The following KSR2 variants were observed in gnomAD, a reference collection of about 807,000 sequenced individuals.
The protein encoded by KSR2 is kinase suppressor of ras 2.
In KSR2, 25 loss-of-function variants were observed where a neutral mutation model predicts 107.8. That is an observed-to-expected ratio of 0.23 (90% CI 0.17 to 0.32). KSR2 has a LOEUF of 0.32. Among genes scored for constraint, KSR2 ranks in the 10% least tolerant of loss-of-function variants. The pLI, the probability that KSR2 is intolerant of heterozygous loss-of-function variation, is 1.00. For missense variants in KSR2, 887 were observed against 1,268.9 expected, an observed-to-expected ratio of 0.70 and a Z score of 4.57; for synonymous variants, 480 against 507.0, an observed-to-expected ratio of 0.95 and a Z score of 0.71.
At chr12:117,841,235 G>T (rs1892462582) in intron 3 of KSR2, among the ~76,000 whole-genome samples, 2 of 152,134 alleles carry the variant, frequency 1.3e-5, no homozygotes, top group African/African-American at 2.4e-5. Flanking sequence ...GAATAATTTT[G>T]CTCCAAATAA....
rs10850831 is a variant in KSR2 at position 117,462,355 on chromosome 12, G to C, written c.*4844C>G. ...TAATTAGTTAAGATGAGGTCATACT[G>C]AAATAGGGTGGGCCCTTAATCCAAT... On this transcript the variant is annotated 3_prime_UTR_variant, in exon 20 of 20. Coordinates refer to ENST00000339824, the MANE Select transcript of KSR2 (RefSeq NM_173598.6). 21 of 151,324 alleles carry C rather than the reference G, an allele frequency of 1.4e-4. No individual in the cohort carries two copies. The highest frequency in any genetic ancestry group is 5.1e-4 in the African/African-American group (21 of 41,274). 9.4% of individuals were successfully genotyped at this position (151,324 alleles called of 1,614,324 possible). A position where few individuals can be genotyped will look rare whatever the true frequency, so the allele number is the denominator to read the frequency against.
intron 1 of KSR2, among the ~76,000 whole-genome samples, chr12:117,966,215 AAAAAG>A (rs1258639094): frequency 6.6e-6 from 1 of 152,220 alleles, no homozygotes. Flanking sequence ...TGAAACAAAA[AAAAAG>A]AAAACTTCGA....
At chr12:117,954,219 G>A (rs1896443311) in intron 1 of KSR2, among the ~76,000 whole-genome samples, 1 of 152,140 alleles carries the variant, frequency 6.6e-6, no homozygotes, top group African/African-American at 2.4e-5. Context: ...GGCAAAGATG[G>A]GGCTGGACAA....
chr12:117,581,774 G>A (rs1249569096), intron 6 of KSR2, among the ~76,000 whole-genome samples: 1 of 152,188 alleles, frequency 6.6e-6, no homozygotes, highest in Non-Finnish European at 1.5e-5. Flanking sequence ...TGGACTGAAC[G>A]CCGCACCAGA....
chr12:117,637,662 C>G lies in KSR2; in HGVS notation c.1171+29812G>C, dbSNP rs537078075. ...TCAAGAGGCTAGAAATGGGACCCAG[C>G]AGTCAGTTTTGGGTTTTTTTTTTTT... On this transcript the variant is annotated intron_variant, in intron 5 of 19. Transcript: ENST00000339824. Among the ~76,000 whole-genome samples, 5 of 125,406 alleles carry G rather than the reference C, an allele frequency of 4.0e-5. No homozygotes were observed. The East Asian group carries it at 1.4e-3, about 34-fold the overall frequency. 82.3% of individuals were successfully genotyped at this position (125,406 alleles called of 152,430 possible).
chr12:117,806,371 C>T (rs1891006962), intron 3 of KSR2, among the ~76,000 whole-genome samples: 1 of 152,198 alleles, frequency 6.6e-6, no homozygotes, highest in Non-Finnish European at 1.5e-5. Flanking sequence ...AGTTTCAAAG[C>T]TCCCCAGGTG....
intron 5 of KSR2, among the ~76,000 whole-genome samples, chr12:117,586,661 A>AAAGAAAGAAAGAAAGAAAGAAAGAAAG (rs1565913670): frequency 1.5e-5 from 1 of 66,980 alleles, no homozygotes; most frequent in African/African-American, 8.0e-5. Flanking sequence ...AAGAAAGAAA[A>AAAGAAAGAAAGAAAGAAAGAAAGAAAG]ATATAGTAAA....
chr12:117,767,375 T>C (rs141729633), intron 3 of KSR2, among the ~76,000 whole-genome samples: 5 of 149,844 alleles, frequency 3.3e-5, no homozygotes, highest in African/African-American at 9.9e-5. Context: ...AGGCGGAGGT[T>C]GCAGTGAGCC....
At chr12:117,713,504 G>A (rs564168029) in intron 4 of KSR2, among the ~76,000 whole-genome samples, 1 of 152,294 alleles carries the variant, frequency 6.6e-6, no homozygotes, top group South Asian at 2.1e-4. Flanking sequence ...CAAATGTTAA[G>A]AGCAATGACT....
intron 3 of KSR2, among the ~76,000 whole-genome samples, chr12:117,819,413 C>T (rs1294143377): frequency 6.6e-6 from 1 of 152,192 alleles, no homozygotes; most frequent in African/African-American, 2.4e-5. Context: ...TGCTGAGAGC[C>T]TCCTAGACCT....
At chr12:117,780,416 G>A (rs373857787) in intron 3 of KSR2, among the ~76,000 whole-genome samples, 10 of 152,280 alleles carry the variant, frequency 6.6e-5, no homozygotes, top group African/African-American at 2.2e-4. Context: ...TTACAACATG[G>A]ATTAACCTTG....
In KSR2 at chr12:117,793,282, A is replaced by C. The variant is rs1353180898; in HGVS notation, c.473-31758T>G. ...CACACCAACATGCACACACGCCAAC[A>C]TGCAACATACCATACACACAACATG... is the stretch of plus-strand genomic sequence containing the variant. On this transcript the variant is annotated intron_variant, in intron 3 of 19. Transcript: ENST00000339824. Among the ~76,000 whole-genome samples the C allele has an allele frequency of 2.2e-5, 2 of 89,838 alleles. 1 individual carries two copies. Among genetic ancestry groups the C allele is most frequent in the African/African-American group, 1.2e-4 (2 of 16,356 alleles). 58.9% of individuals were successfully genotyped at this position (89,838 alleles called of 152,430 possible).
rs201636015 is a variant in KSR2, at chr12:117,904,001, A to AAATC, written c.181-43574_181-43571dup. On this transcript the variant is annotated intron_variant, in intron 1 of 19. Transcript: ENST00000339824. The stretch of plus-strand genomic sequence containing the variant: ...GTGACAGAGCAAGACTACATCTCAA[A>AAATC]AATCAATCAATCAATCAATCTTTGA... 6.4e-3 allele frequency among the ~76,000 whole-genome samples: 976 copies of AAATC among 152,298 alleles called. 9 individuals are homozygous for AAATC. Among genetic ancestry groups the AAATC allele is most frequent in the African/African-American group, 0.021 (884 of 41,554 alleles).
chr12:117,845,094 C>G (rs1167549923), intron 3 of KSR2, among the ~76,000 whole-genome samples: 3 of 152,164 alleles, frequency 2.0e-5, no homozygotes, highest in Non-Finnish European at 4.4e-5. Context: ...TGCATTGAGC[C>G]AAGATAGCAC....
intron 4 of KSR2, among the ~76,000 whole-genome samples, chr12:117,691,563 A>C (rs1165515623): frequency 6.6e-6 from 1 of 152,234 alleles, no homozygotes; most frequent in Non-Finnish European, 1.5e-5. Flanking sequence ...CTGCCCACTG[A>C]AGGCCATGCC....
chr12:117,859,085 C>A (rs983186743), intron 2 of KSR2, among the ~76,000 whole-genome samples: 1 of 149,214 alleles, frequency 6.7e-6, no homozygotes, highest in Non-Finnish European at 1.5e-5. Context: ...ATGCTCACAA[C>A]AGTAACAGGC....
intron 5 of KSR2, among the ~76,000 whole-genome samples, chr12:117,666,491 C>T (rs910443742): frequency 1.1e-4 from 16 of 152,192 alleles, no homozygotes; most frequent in African/African-American, 3.9e-4. Flanking sequence ...TACTCAACAC[C>T]TGTGTGACTT....
chr12:117,568,356 G>C (rs1352900657), intron 7 of KSR2, among the ~76,000 whole-genome samples: 1 of 152,178 alleles, frequency 6.6e-6, no homozygotes, highest in Admixed American at 6.5e-5. Flanking sequence ...AAAAGCTTTG[G>C]TCCAGGTTGG....
At chr12:117,684,897 C>T (rs1033677563) in intron 4 of KSR2, among the ~76,000 whole-genome samples, 4 of 152,146 alleles carry the variant, frequency 2.6e-5, no homozygotes, top group African/African-American at 9.7e-5. Flanking sequence ...TTAATTCTAC[C>T]GTAAGAGTTG....
Sources: allele counts gnomAD v4.1 joint callset (sites outside exome capture counted in the v4.1 genomes callset), GRCh38; gene constraint gnomAD v4.1.1; transcripts MANE v1.5; gene names NCBI Gene and HGNC (gene_info 2026-07-23, HGNC 2026-07-21).